Variants in TFDP2 observed in about 807,000 individuals in gnomAD.
The protein encoded by TFDP2 is transcription factor Dp-2.
A neutral mutation model predicts 59.3 loss-of-function variants in TFDP2; 17 were observed. The observed-to-expected ratio is 0.29, with a 90% CI of 0.20 to 0.43. The LOEUF is 0.43. TFDP2 is among the 20% of genes least tolerant of loss of function. TFDP2 has a pLI of 1.00. For missense variants in TFDP2, 391 were observed against 528.8 expected (o/e 0.74, Z 2.56); for synonymous variants, 180 against 194.7 (o/e 0.92, Z 0.63).
intron 3 of TFDP2, among the ~76,000 whole-genome samples, chr3:142,073,457 ACCCCC>A (rs34003718): frequency 7.1e-5 from 1 of 14,068 alleles, no homozygotes; most frequent in Non-Finnish European, 1.4e-4. Flanking sequence ...CAAACAAACA[ACCCCC>A]CCCCCCCCGC....
intron 3 of TFDP2, among the ~76,000 whole-genome samples, chr3:142,047,206 T>C (rs919376199): frequency 6.6e-6 from 1 of 152,188 alleles, no homozygotes; most frequent in African/African-American, 2.4e-5. Flanking sequence ...AGAACTTTTA[T>C]CTGAGGAATG....
intron 3 of TFDP2, among the ~76,000 whole-genome samples, chr3:142,006,064 G>A (rs780760067): frequency 2.0e-5 from 3 of 152,094 alleles, no homozygotes; most frequent in Non-Finnish European, 4.4e-5. Flanking sequence ...TTTATAACTA[G>A]AGAAAAAACA....
intron 11 of TFDP2, among the ~76,000 whole-genome samples, chr3:141,954,895 C>T (rs1314796364): frequency 6.6e-6 from 1 of 152,078 alleles, no homozygotes; most frequent in Non-Finnish European, 1.5e-5. Flanking sequence ...AGAGGCCATT[C>T]CCACGTAGGA....
chr3:142,101,756 CTG>C lies in TFDP2; in HGVS notation c.-9_-8del, dbSNP rs781475391. 4.5e-6 allele frequency: 6 copies of C among 1,340,940 alleles called. No individual in the cohort carries two copies. The South Asian group carries it at 8.5e-5, about 19-fold the overall frequency. 83.1% of individuals were successfully genotyped at this position (1,340,940 alleles called of 1,614,324 possible). ...TTACATTTTTTGCCGTCATGTCAAA[CTG>C]TATTCTATTTAAGATTCTGTAAAGC... On this transcript the variant is annotated 5_prime_UTR_variant, in exon 2 of 13. Coordinates refer to ENST00000489671, the MANE Select transcript of TFDP2 (RefSeq NM_001178139.2).
intron 6 of TFDP2, among the ~76,000 whole-genome samples, chr3:141,986,933 T>C (rs1942165111): frequency 6.6e-6 from 1 of 152,238 alleles, no homozygotes; most frequent in African/African-American, 2.4e-5. Flanking sequence ...CTGGCCCGTT[T>C]GTATTTTTTG....
intron 2 of TFDP2, among the ~76,000 whole-genome samples, chr3:142,099,558 G>A (rs772839067): frequency 1.3e-4 from 19 of 151,956 alleles, no homozygotes; most frequent in Non-Finnish European, 2.4e-4. Context: ...AAAATTAGCC[G>A]GGCATGGTGC....
At chr3:142,069,596 A>G in intron 3 of TFDP2, among the ~76,000 whole-genome samples, 1 of 151,896 alleles carries the variant, frequency 6.6e-6, no homozygotes, top group Non-Finnish European at 1.5e-5. Context: ...TTTTTGTCAA[A>G]CATTTTTCCT....
chr3:142,139,004 C>G (rs1416718934), intron 1 of TFDP2, among the ~76,000 whole-genome samples: 5 of 152,118 alleles, frequency 3.3e-5, no homozygotes, highest in Non-Finnish European at 7.4e-5. Context: ...GAGTCTAAGT[C>G]TCTTTGTAGG....
At chr3:142,052,649 C>CT (rs1423675131) in intron 3 of TFDP2, among the ~76,000 whole-genome samples, 1 of 151,950 alleles carries the variant, frequency 6.6e-6, no homozygotes, top group African/African-American at 2.4e-5. Flanking sequence ...AGGCTGGTCT[C>CT]TAACTCCTGG....
chr3:141,990,723 A>T (rs989965861), intron 6 of TFDP2, among the ~76,000 whole-genome samples: 1 of 152,182 alleles, frequency 6.6e-6, no homozygotes, highest in African/African-American at 2.4e-5. Flanking sequence ...AAAAATGTAT[A>T]AACCTTATAT....
intron 3 of TFDP2, among the ~76,000 whole-genome samples, chr3:142,069,159 C>T (rs1044448766): frequency 2.3e-4 from 35 of 151,984 alleles, no homozygotes; most frequent in African/African-American, 8.5e-4. Context: ...CGTGATCCAC[C>T]CGACTTGACC....
At chr3:142,062,579 T>C (rs947061889) in intron 3 of TFDP2, among the ~76,000 whole-genome samples, 2 of 151,990 alleles carry the variant, frequency 1.3e-5, no homozygotes, top group Admixed American at 1.3e-4. Context: ...ATAACCACTT[T>C]GAGAAAAATC....
At chr3:141,988,819 T>G (rs879637913) in intron 6 of TFDP2, among the ~76,000 whole-genome samples, 1 of 151,906 alleles carries the variant, frequency 6.6e-6, no homozygotes, top group Non-Finnish European at 1.5e-5. Context: ...CGCGCCACCA[T>G]GCCCAGCTAT....
intron 1 of TFDP2, among the ~76,000 whole-genome samples, chr3:142,108,283 C>T (rs2061542575): frequency 6.6e-6 from 1 of 151,756 alleles, no homozygotes; most frequent in South Asian, 2.1e-4. Context: ...GATCTTGGCT[C>T]ACTACAACCT....
chr3:142,091,901 T>C (rs2061007047), intron 3 of TFDP2, among the ~76,000 whole-genome samples: 1 of 152,210 alleles, frequency 6.6e-6, no homozygotes, highest in Non-Finnish European at 1.5e-5. Context: ...TAACAGGCCA[T>C]GAGCTCACAG....
At chr3:142,031,555 G>A (rs1946433741) in intron 3 of TFDP2, among the ~76,000 whole-genome samples, 1 of 152,186 alleles carries the variant, frequency 6.6e-6, no homozygotes, top group Non-Finnish European at 1.5e-5. Flanking sequence ...TGTGGGGAAA[G>A]TAATAAGACT....
intron 12 of TFDP2, 64 bp from the exon 13 acceptor site, chr3:141,952,760 G>T (rs946930665): frequency 1.1e-5 from 18 of 1,594,892 alleles, no homozygotes; most frequent in Non-Finnish European, 1.4e-5. Flanking sequence ...TAAAACATAG[G>T]AATAAAAACA....
At chr3:142,062,137 T>A (rs2059937068) in intron 3 of TFDP2, among the ~76,000 whole-genome samples, 1 of 151,956 alleles carries the variant, frequency 6.6e-6, no homozygotes, top group Non-Finnish European at 1.5e-5. Flanking sequence ...GTACACATAT[T>A]TTCTCTCCCT....
chr3:142,125,156 T>C (rs2062189502), intron 1 of TFDP2, among the ~76,000 whole-genome samples: 2 of 152,246 alleles, frequency 1.3e-5, no homozygotes, highest in South Asian at 4.2e-4. Flanking sequence ...CAGTGAGCTA[T>C]TATCATGTAA....
Sources: allele counts gnomAD v4.1 joint callset (sites outside exome capture counted in the v4.1 genomes callset), GRCh38; gene constraint gnomAD v4.1.1; transcripts MANE v1.5; gene names NCBI Gene and HGNC (gene_info 2026-07-23, HGNC 2026-07-21).